The following DAPP1 variants were observed in gnomAD, a reference collection of about 807,000 sequenced individuals.
DAPP1 encodes the protein dual adaptor of phosphotyrosine and 3-phosphoinositides 1.
In DAPP1, 20 loss-of-function variants were observed where a neutral mutation model predicts 41.5. The observed-to-expected ratio is 0.48, with a 90% confidence interval of 0.34 to 0.70. The LOEUF (loss-of-function observed/expected upper bound fraction) is 0.70. DAPP1 is among the 30% of genes least tolerant of loss of function. The pLI is 0.01. For missense variants in DAPP1, 233 were observed against 333.4 expected (o/e 0.70, Z 2.35); for synonymous variants, 113 against 116.2 (o/e 0.97, Z 0.18).
intron 1 of DAPP1, among the ~76,000 whole-genome samples, chr4:99,818,136 G>A (rs1376034446): frequency 1.3e-5 from 2 of 152,106 alleles, no homozygotes; most frequent in African/African-American, 4.8e-5. Context: ...TAAAACTGAG[G>A]TCTCGGAATT....
intron 8 of DAPP1, 21 bp from the exon 9 acceptor site, chr4:99,868,096 C>T (rs758212120): frequency 1.9e-5 from 30 of 1,604,758 alleles, no homozygotes; most frequent in Admixed American, 5.0e-5. Context: ...AATGGATACA[C>T]GTGTGTGTAC....
intron 4 of DAPP1, among the ~76,000 whole-genome samples, chr4:99,854,633 CTG>C (rs10550762): frequency 0.18 from 27,839 of 151,994 alleles, 2,628 homozygotes; most frequent in Non-Finnish European, 0.2. Flanking sequence ...CACACTCACA[CTG>C]TGAAACCTGT....
intron 3 of DAPP1, among the ~76,000 whole-genome samples, chr4:99,840,676 A>G (rs984604897): frequency 6.6e-6 from 1 of 152,224 alleles, no homozygotes; most frequent in Non-Finnish European, 1.5e-5. Flanking sequence ...AAAAAGAACA[A>G]AGGTAAAAAT....
chr4:99,831,973 TAA>T (rs34348509), intron 1 of DAPP1, among the ~76,000 whole-genome samples: 32 of 147,090 alleles, frequency 2.2e-4, no homozygotes, highest in African/African-American at 3.7e-4. Context: ...AACACAACCT[TAA>T]AAAAAAAAAA....
intron 1 of DAPP1, among the ~76,000 whole-genome samples, chr4:99,834,797 A>G (rs926283208): frequency 6.6e-6 from 1 of 152,194 alleles, no homozygotes; most frequent in Non-Finnish European, 1.5e-5. Context: ...ATTGCCTCAC[A>G]GTTCTGAAGG....
At chr4:99,855,972 TG>T (rs1724031072) in intron 4 of DAPP1, among the ~76,000 whole-genome samples, 1 of 152,250 alleles carries the variant, frequency 6.6e-6, no homozygotes, top group South Asian at 2.1e-4. Context: ...CAGATGACTG[TG>T]TATAACTGTT....
At chr4:99,838,821 C>T (rs985300788) in intron 2 of DAPP1, among the ~76,000 whole-genome samples, 1 of 152,166 alleles carries the variant, frequency 6.6e-6, no homozygotes, top group Non-Finnish European at 1.5e-5. Flanking sequence ...ATACAAGTAA[C>T]ATACTACAAA....
chr4:99,832,377 T>C (rs897124321), intron 1 of DAPP1, among the ~76,000 whole-genome samples: 1 of 152,236 alleles, frequency 6.6e-6, no homozygotes, highest in African/African-American at 2.4e-5. Context: ...CTGAAAGAAA[T>C]GCTCATCAGA....
chr4:99,820,255 A>G (rs1722728566), intron 1 of DAPP1, among the ~76,000 whole-genome samples: 1 of 152,202 alleles, frequency 6.6e-6, no homozygotes, highest in African/African-American at 2.4e-5. Context: ...AATATGGCAA[A>G]ATAAAACAAG....
chr4:99,847,626 T>G (rs1723709263), intron 3 of DAPP1, among the ~76,000 whole-genome samples: 1 of 152,326 alleles, frequency 6.6e-6, no homozygotes, highest in Non-Finnish European at 1.5e-5. Flanking sequence ...TTCCTCATTC[T>G]TCTTGCTCTG....
chr4:99,825,996 G>C (rs371758975), intron 1 of DAPP1, among the ~76,000 whole-genome samples: 9 of 152,318 alleles, frequency 5.9e-5, no homozygotes, highest in African/African-American at 2.2e-4. Flanking sequence ...CAAAATCAAA[G>C]TATCTAGCAC....
intron 2 of DAPP1, among the ~76,000 whole-genome samples, chr4:99,836,054 G>A (rs1270266132): frequency 6.6e-6 from 1 of 152,156 alleles, no homozygotes; most frequent in Non-Finnish European, 1.5e-5. Flanking sequence ...AATAGAAACA[G>A]TGCCAGAATC....
At chr4:99,827,701 C>A (rs781649179) in intron 1 of DAPP1, among the ~76,000 whole-genome samples, 3 of 152,084 alleles carry the variant, frequency 2.0e-5, no homozygotes, top group Non-Finnish European at 4.4e-5. Flanking sequence ...TTATGTGTGC[C>A]CAGCAGCCAG....
intron 1 of DAPP1, among the ~76,000 whole-genome samples, chr4:99,832,655 A>G (rs1156383287): frequency 1.3e-5 from 2 of 152,266 alleles, no homozygotes; most frequent in African/African-American, 2.4e-5. Flanking sequence ...TTCTTGCATT[A>G]TACTCAAGTA....
At chr4:99,839,058 C>T (rs1723400010) in intron 2 of DAPP1, among the ~76,000 whole-genome samples, 1 of 152,128 alleles carries the variant, frequency 6.6e-6, no homozygotes, top group Non-Finnish European at 1.5e-5. Context: ...GTGGAAACTC[C>T]TTGAAGAGCA....
intron 4 of DAPP1, among the ~76,000 whole-genome samples, chr4:99,860,922 A>G (rs1724216112): frequency 6.6e-6 from 1 of 152,324 alleles, no homozygotes; most frequent in African/African-American, 2.4e-5. Flanking sequence ...AGTGTGTGCT[A>G]TTATTTTTAC....
chr4:99,824,207 A>C (rs1482805531), intron 1 of DAPP1, among the ~76,000 whole-genome samples: 9 of 152,226 alleles, frequency 5.9e-5, no homozygotes, highest in Admixed American at 5.9e-4. Context: ...TTTAATGGTG[A>C]ACTCCTTAGG....
intron 2 of DAPP1, among the ~76,000 whole-genome samples, chr4:99,839,352 T>G (rs575571370): frequency 1.9e-4 from 27 of 142,134 alleles, no homozygotes; most frequent in African/African-American, 7.2e-4. Flanking sequence ...GAGGCAGATA[T>G]ATATATATAG....
At chr4:99,861,953 A>G (rs1456663472) in intron 5 of DAPP1, among the ~76,000 whole-genome samples, 1 of 152,240 alleles carries the variant, frequency 6.6e-6, no homozygotes, top group Non-Finnish European at 1.5e-5. Context: ...AAAACAAGGA[A>G]GAAGTCAAAA....
Sources: gnomAD v4.1 joint callset for allele counts (sites outside exome capture counted in the v4.1 genomes callset) on GRCh38, gnomAD v4.1.1 for gene constraint, MANE v1.5 for transcripts, NCBI Gene and HGNC (gene_info 2026-07-23, HGNC 2026-07-21) for gene names.